CAMTA1: variants seen among roughly 807,000 people sequenced by gnomAD.
CAMTA1 encodes the protein calmodulin binding transcription activator 1.
In CAMTA1, 27 loss-of-function variants were observed where a neutral mutation model predicts 170.9. The ratio of observed to expected loss-of-function variants is 0.16; its 90% CI spans 0.12 to 0.22. The LOEUF is 0.22. CAMTA1 is among the 10% of genes least tolerant of loss of function. The pLI is 1.00. For missense variants in CAMTA1, 1,619 were observed against 2,217.2 expected (o/e 0.73, Z 5.42); for synonymous variants, 833 against 891.5 (o/e 0.93, Z 1.17).
chr1:7,098,736 G>A (rs1020653487), intron 4 of CAMTA1, among the ~76,000 whole-genome samples: 11 of 152,204 alleles, frequency 7.2e-5, no homozygotes, highest in African/African-American at 1.9e-4. Flanking sequence ...GAAGTTGGCC[G>A]TGGCGGGGGC....
At chr1:7,372,079 T>G (rs2086516724) in intron 5 of CAMTA1, among the ~76,000 whole-genome samples, 1 of 152,194 alleles carries the variant, frequency 6.6e-6, no homozygotes, top group African/African-American at 2.4e-5. Context: ...TCCCTGAAGC[T>G]TCTACGCCAG....
At chr1:6,878,330 C>T (rs1367321243) in intron 3 of CAMTA1, among the ~76,000 whole-genome samples, 1 of 152,216 alleles carries the variant, frequency 6.6e-6, no homozygotes, top group Non-Finnish European at 1.5e-5. Flanking sequence ...TTTTAAGCCT[C>T]AAGTCAAGGG....
chr1:7,552,734 A>G (rs956156936), intron 6 of CAMTA1, among the ~76,000 whole-genome samples: 1 of 152,206 alleles, frequency 6.6e-6, no homozygotes, highest in African/African-American at 2.4e-5. Flanking sequence ...CAGTTCCGCA[A>G]TGGTGCACTG....
intron 6 of CAMTA1, among the ~76,000 whole-genome samples, chr1:7,480,120 TGTGA>T (rs760381858): frequency 3.9e-4 from 58 of 149,952 alleles, no homozygotes; most frequent in East Asian, 1.6e-3. Context: ...TGTGTGTGTG[TGTGA>T]GTATGTGTGT....
At chr1:7,112,886 G>T (rs1311024432) in intron 4 of CAMTA1, among the ~76,000 whole-genome samples, 2 of 152,190 alleles carry the variant, frequency 1.3e-5, no homozygotes, top group African/African-American at 4.8e-5. Flanking sequence ...TCCTTGCGCG[G>T]AGGTGGGGCT....
In CAMTA1 at chr1:7,532,921, C is replaced by T. The variant is rs1370167722; in HGVS notation, c.510+65020C>T. Among the ~76,000 whole-genome samples the T allele has an allele frequency of 2.0e-5, 3 of 152,186 alleles. No individual in the cohort carries two copies. Among genetic ancestry groups the T allele is most frequent in the Admixed American group, 2.0e-4 (3 of 15,286 alleles). ...ACAGAAGACTCTTATTGGACCAGTG[C>T]AGGTGGCGGCTTTTTGGGAAGGGTG... On this transcript the variant is annotated intron_variant, in intron 6 of 22. Coordinates refer to ENST00000303635, the MANE Select transcript of CAMTA1 (RefSeq NM_015215.4). This position sits in a 1 kb window ranked among gnomAD's most constrained non-coding sequence, Gnocchi z 4.2.
chr1:7,232,088 A>G (rs1662941294), intron 4 of CAMTA1, among the ~76,000 whole-genome samples: 1 of 152,190 alleles, frequency 6.6e-6, no homozygotes, highest in South Asian at 2.1e-4. Context: ...TGGTCCCCGC[A>G]GAGAGAGCGG....
intron 3 of CAMTA1, among the ~76,000 whole-genome samples, chr1:6,946,198 T>TC (rs1454383658): frequency 1.3e-5 from 2 of 151,474 alleles, no homozygotes; most frequent in Admixed American, 6.6e-5. Flanking sequence ...CTTTTTTTTT[T>TC]TTTCTTTTTT....
At chr1:7,728,030 C>G (rs201894230) in intron 11 of CAMTA1, among the ~76,000 whole-genome samples, 1 of 152,198 alleles carries the variant, frequency 6.6e-6, no homozygotes, top group Non-Finnish European at 1.5e-5. Flanking sequence ...TCAGAGATGC[C>G]GTTATGCATG....
At chr1:7,645,051 G>A (rs1010667030) in intron 7 of CAMTA1, among the ~76,000 whole-genome samples, 1 of 152,200 alleles carries the variant, frequency 6.6e-6, no homozygotes, top group Non-Finnish European at 1.5e-5. Context: ...TTCCAATGCA[G>A]CTGGTCTGAG....
At chr1:7,494,353 T>C (rs1187982963) in intron 6 of CAMTA1, among the ~76,000 whole-genome samples, 1 of 152,192 alleles carries the variant, frequency 6.6e-6, no homozygotes, top group Non-Finnish European at 1.5e-5. Context: ...CATCAGAATG[T>C]ACAGCACCTG....
intron 6 of CAMTA1, among the ~76,000 whole-genome samples, chr1:7,591,117 T>C (rs750628589): frequency 2.0e-5 from 3 of 152,084 alleles, no homozygotes; most frequent in Non-Finnish European, 4.4e-5. Flanking sequence ...GAAACTGAAG[T>C]ATTTCTGTGC....
chr1:6,831,720 C>T (rs1391456084), intron 3 of CAMTA1, among the ~76,000 whole-genome samples: 1 of 152,082 alleles, frequency 6.6e-6, no homozygotes, highest in South Asian at 2.1e-4. Flanking sequence ...CTAGAGTAAG[C>T]AAACAAAATA....
chr1:7,729,350 C>T (rs373064756), intron 11 of CAMTA1, among the ~76,000 whole-genome samples: 1 of 152,164 alleles, frequency 6.6e-6, no homozygotes, highest in Non-Finnish European at 1.5e-5. Context: ...GAACTCCTGA[C>T]CTCAAGTGAT....
chr1:7,412,920 A>C (rs532069959), intron 5 of CAMTA1, among the ~76,000 whole-genome samples: 146 of 152,260 alleles, frequency 9.6e-4, no homozygotes, highest in African/African-American at 3.3e-3. Context: ...TCCATCTTGA[A>C]TTAATTTTTG....
At chr1:7,187,147 G>T (rs1315573622) in intron 4 of CAMTA1, among the ~76,000 whole-genome samples, 1 of 152,040 alleles carries the variant, frequency 6.6e-6, no homozygotes, top group Non-Finnish European at 1.5e-5. Context: ...GGGTGGGTGC[G>T]GGGGCATTTG....
rs375099173 is a variant in CAMTA1, at chr1:7,420,815, C to A, written c.439-47015C>A. Among the ~76,000 whole-genome samples the A allele has an allele frequency of 1.7e-4, 26 of 152,348 alleles. No individual in the cohort carries two copies. In the East Asian group the frequency reaches 4.4e-3, roughly 26 times the overall value. On this transcript the variant is annotated intron_variant, in intron 5 of 22. Transcript: ENST00000303635. ...AGGGCCTCCACAAAGGGCACCCAGC[C>A]AGGGGGGCAGAGGGGCCTCAGCTGG...
chr1:7,159,325 A>G (rs1325500229), intron 4 of CAMTA1, among the ~76,000 whole-genome samples: 2 of 152,074 alleles, frequency 1.3e-5, no homozygotes, highest in Non-Finnish European at 2.9e-5. Flanking sequence ...GCTGGAATTT[A>G]AACTCTGGTA....
intron 7 of CAMTA1, among the ~76,000 whole-genome samples, chr1:7,655,197 C>CAT (rs2095883033): frequency 6.9e-6 from 1 of 143,892 alleles, no homozygotes; most frequent in Non-Finnish European, 1.5e-5. Context: ...AACACACACC[C>CAT]CTATACACAC....
Sources: gnomAD v4.1 joint callset for allele counts (sites outside exome capture counted in the v4.1 genomes callset) on GRCh38, gnomAD v4.1.1 for gene constraint, Gnocchi (gnomAD v3.1) non-coding constraint, MANE v1.5 for transcripts, NCBI Gene and HGNC (gene_info 2026-07-23, HGNC 2026-07-21) for gene names.